The following LPAR1 variants were observed in gnomAD, a reference collection of about 807,000 sequenced individuals.
LPAR1 encodes lysophosphatidic acid receptor 1.
In LPAR1, 5 loss-of-function variants were observed where a neutral mutation model predicts 23.8. That is an observed-to-expected ratio of 0.21 (90% CI 0.11 to 0.44). LPAR1 has a LOEUF of 0.44. Ranked by LOEUF, LPAR1 falls within the 20% of genes least tolerant of loss-of-function variation. The probability of loss-of-function intolerance (pLI) is 0.99; values close to 1 mark genes in which losing one functional copy is unlikely to be tolerated. For missense variants in LPAR1, 311 were observed against 482.8 expected (o/e 0.64, Z 3.33); for synonymous variants, 160 against 164.7 (o/e 0.97, Z 0.22).
At position 110,893,961 on chromosome 9, in the gene LPAR1, T is replaced by C. The variant is rs185243830; in HGVS notation, c.794-18239A>G. Among the ~76,000 whole-genome samples the C allele has an allele frequency of 5.6e-4, 86 of 152,310 alleles. 1 individual carries two copies. Among genetic ancestry groups the C allele is most frequent in the Non-Finnish European group, 1.2e-4 (8 of 68,026 alleles). ...TTGATGTAGATAACCAACCCTAAAT[T>C]ATTACTTTTCTTTATTCTTTGGAAA... is the stretch of plus-strand genomic sequence containing the variant. On this transcript the variant is annotated intron_variant, in intron 5 of 5. Transcript: ENST00000683809.
chr9:111,005,151 CAAAAAAAAAAA>C (rs71371700), intron 2 of LPAR1, among the ~76,000 whole-genome samples: 54 of 74,294 alleles, frequency 7.3e-4, no homozygotes, highest in Non-Finnish European at 1.3e-3. Flanking sequence ...GACAAAGTCT[CAAAAAAAAAAA>C]AAAAAAAAAA....
chr9:111,012,792 T>C (rs570695931), intron 2 of LPAR1, among the ~76,000 whole-genome samples: 1 of 151,870 alleles, frequency 6.6e-6, no homozygotes, highest in Non-Finnish European at 1.5e-5. Context: ...GAGAGAAATA[T>C]GCCAGAAGAG....
intron 5 of LPAR1, among the ~76,000 whole-genome samples, chr9:110,932,868 T>A (rs1188553323): frequency 6.6e-6 from 1 of 152,192 alleles, no homozygotes; most frequent in Admixed American, 6.5e-5. Flanking sequence ...TGAAAGTGAT[T>A]CCTGGGGCCA....
At chr9:110,981,627 A>C (rs1307915803) in intron 2 of LPAR1, among the ~76,000 whole-genome samples, 3 of 152,078 alleles carry the variant, frequency 2.0e-5, no homozygotes, top group Admixed American at 1.3e-4. Context: ...CTAAAAATTT[A>C]AAACTACAAA....
At chr9:110,990,467 G>C (rs1382703698) in intron 2 of LPAR1, among the ~76,000 whole-genome samples, 1 of 152,068 alleles carries the variant, frequency 6.6e-6, no homozygotes, top group Non-Finnish European at 1.5e-5. Context: ...TGGAAACTAA[G>C]TAATGTATCT....
chr9:110,888,934 C>T (rs2133067513), intron 5 of LPAR1, among the ~76,000 whole-genome samples: 1 of 152,282 alleles, frequency 6.6e-6, no homozygotes, highest in Middle Eastern at 3.4e-3. Flanking sequence ...ATGAGAACTC[C>T]TGACTTGGAG....
intron 4 of LPAR1, among the ~76,000 whole-genome samples, chr9:110,944,267 C>T (rs1796495788): frequency 6.6e-6 from 1 of 152,148 alleles, no homozygotes; most frequent in Non-Finnish European, 1.5e-5. Context: ...TGTTGATCCC[C>T]TCTACACTAG....
chr9:110,951,100 T>C (rs1316982762), intron 4 of LPAR1, among the ~76,000 whole-genome samples: 1 of 152,150 alleles, frequency 6.6e-6, no homozygotes, highest in African/African-American at 2.4e-5. Context: ...TACCCATCAA[T>C]TGAGAAAATG....
chr9:110,886,050 T>C (rs1008522085), intron 5 of LPAR1, among the ~76,000 whole-genome samples: 2 of 151,732 alleles, frequency 1.3e-5, no homozygotes, highest in Non-Finnish European at 2.9e-5. Flanking sequence ...CCACAAAAAT[T>C]AGTCGGGTGT....
chr9:110,975,481 C>G (rs2096535804), intron 2 of LPAR1, among the ~76,000 whole-genome samples: 1 of 152,168 alleles, frequency 6.6e-6, no homozygotes, highest in Non-Finnish European at 1.5e-5. Context: ...GCAACATACC[C>G]ACAGTCACAC....
chr9:110,961,068 C>T (rs1451701070), intron 4 of LPAR1, among the ~76,000 whole-genome samples: 1 of 15,208 alleles, frequency 6.6e-5, no homozygotes, highest in Non-Finnish European at 8.5e-4. Flanking sequence ...CCATTATTGT[C>T]CTTTTTTTAT....
At chr9:111,008,858 C>T (rs2097270611) in intron 2 of LPAR1, among the ~76,000 whole-genome samples, 4 of 152,142 alleles carry the variant, frequency 2.6e-5, no homozygotes, top group Admixed American at 2.0e-4. Flanking sequence ...GAAGAAAACA[C>T]AAATTCTTTC....
At chr9:111,031,361 A>G (rs1352119703) in intron 2 of LPAR1, among the ~76,000 whole-genome samples, 1 of 149,192 alleles carries the variant, frequency 6.7e-6, no homozygotes, top group Admixed American at 6.7e-5. Flanking sequence ...GTTTGAGAAC[A>G]GCCTGGGTAA....
intron 2 of LPAR1, among the ~76,000 whole-genome samples, chr9:110,973,862 C>A (rs142561647): frequency 6.6e-5 from 10 of 152,208 alleles, no homozygotes; most frequent in Admixed American, 1.3e-4. Flanking sequence ...CTAACAATAT[C>A]TTTTCTTTTA....
At chr9:110,936,854 C>G (rs1247845842) in intron 5 of LPAR1, among the ~76,000 whole-genome samples, 1 of 151,972 alleles carries the variant, frequency 6.6e-6, no homozygotes, top group Non-Finnish European at 1.5e-5. Context: ...AGTGTCATCA[C>G]AAAGAATACA....
chr9:110,995,016 C>T (rs941024688), intron 2 of LPAR1, among the ~76,000 whole-genome samples: 5 of 152,302 alleles, frequency 3.3e-5, no homozygotes, highest in African/African-American at 1.2e-4. Context: ...TAGAAAGACA[C>T]ATTTATGTTA....
chr9:110,913,598 T>C (rs79514261), intron 5 of LPAR1, among the ~76,000 whole-genome samples: 4,389 of 152,188 alleles, frequency 0.029, 212 homozygotes, highest in African/African-American at 0.098. Context: ...ATTACAAAAC[T>C]ATGTAATAAT....
At chr9:110,996,382 T>C (rs2097005246) in intron 2 of LPAR1, among the ~76,000 whole-genome samples, 1 of 152,052 alleles carries the variant, frequency 6.6e-6, no homozygotes, top group Admixed American at 6.6e-5. Flanking sequence ...CATAGCAAGA[T>C]GCCATCTCTA....
At chr9:111,035,758 T>C (rs1193934704) in intron 2 of LPAR1, among the ~76,000 whole-genome samples, 1 of 152,158 alleles carries the variant, frequency 6.6e-6, no homozygotes, top group Non-Finnish European at 1.5e-5. Context: ...AACACAGACA[T>C]TAAAATCTTG....
Sources: allele counts gnomAD v4.1 joint callset (sites outside exome capture counted in the v4.1 genomes callset), GRCh38; gene constraint gnomAD v4.1.1; transcripts MANE v1.5; gene names NCBI Gene and HGNC (gene_info 2026-07-23, HGNC 2026-07-21).